The following PDSS2 variants were observed in gnomAD, a reference collection of about 807,000 sequenced individuals.
PDSS2 encodes decaprenyl diphosphate synthase subunit 2, also known as all trans-polyprenyl-diphosphate synthase PDSS2.
In PDSS2, 31 loss-of-function variants were observed where a neutral mutation model predicts 44.5. The observed-to-expected ratio is 0.70, with a 90% CI of 0.52 to 0.94. The LOEUF (loss-of-function observed/expected upper bound fraction) is 0.94. Among genes scored for constraint, PDSS2 ranks in the 40% least tolerant of loss-of-function variants. PDSS2 has a pLI of 0.00. For synonymous variants in PDSS2, 157 were observed against 180.3 expected (o/e 0.87, Z 1.03); for missense variants, 452 against 482.2 (o/e 0.94, Z 0.59).
chr6:107,246,552 G>T (rs954138765), intron 3 of PDSS2, among the ~76,000 whole-genome samples: 4 of 152,026 alleles, frequency 2.6e-5, no homozygotes, highest in African/African-American at 9.7e-5. Flanking sequence ...AAAGGATTTT[G>T]TTTCAGCTTT....
chr6:107,269,665 G>C (rs2114923312), intron 3 of PDSS2, among the ~76,000 whole-genome samples: 1 of 152,120 alleles, frequency 6.6e-6, no homozygotes, highest in Middle Eastern at 3.4e-3. Context: ...AGTAGTAGTA[G>C]TAGTAGTATT....
intron 6 of PDSS2, among the ~76,000 whole-genome samples, chr6:107,195,186 A>G (rs991652208): frequency 3.3e-5 from 5 of 152,012 alleles, no homozygotes; most frequent in Non-Finnish European, 7.4e-5. Flanking sequence ...AAAGTTTATA[A>G]TATTGGTCCT....
intron 6 of PDSS2, chr6:107,198,004 C>G: frequency 2.2e-6 from 1 of 456,624 alleles, no homozygotes; most frequent in Non-Finnish European, 4.5e-6. Context: ...AAAAATTCAA[C>G]AGGTAAGAAG....
intron 4 of PDSS2, among the ~76,000 whole-genome samples, chr6:107,225,289 C>T (rs1773783645): frequency 6.7e-6 from 1 of 148,902 alleles, no homozygotes; most frequent in Admixed American, 6.8e-5. Flanking sequence ...TCTCTTGCCT[C>T]AGCCTCCTGA....
intron 2 of PDSS2, among the ~76,000 whole-genome samples, chr6:107,328,369 T>G (rs111353740): frequency 1.4e-4 from 21 of 152,328 alleles, no homozygotes; most frequent in African/African-American, 5.1e-4. Context: ...ACTTGACTAC[T>G]TAATGTGGGA....
intron 7 of PDSS2, chr6:107,192,406 T>A: frequency 2.0e-6 from 1 of 501,788 alleles, no homozygotes; most frequent in Non-Finnish European, 4.0e-6. Context: ...AAGTCAAAAA[T>A]CAAAGAAGAG....
chr6:107,360,765 C>A (rs1778747771), intron 1 of PDSS2, among the ~76,000 whole-genome samples: 1 of 152,194 alleles, frequency 6.6e-6, no homozygotes, highest in Non-Finnish European at 1.5e-5. Context: ...GGGATGCCTA[C>A]AGGCTGAAAA....
At chr6:107,167,849 G>A (rs1771411536) in intron 7 of PDSS2, among the ~76,000 whole-genome samples, 1 of 152,146 alleles carries the variant, frequency 6.6e-6, no homozygotes, top group African/African-American at 2.4e-5. Context: ...GAGACAGTTT[G>A]TTATAATTTC....
chr6:107,303,956 C>T (rs1776777402), intron 2 of PDSS2, among the ~76,000 whole-genome samples: 1 of 152,156 alleles, frequency 6.6e-6, no homozygotes, highest in Admixed American at 6.6e-5. Context: ...TATAACTTCT[C>T]CATAAGTCTC....
chr6:107,176,869 C>T (rs1399067802), intron 7 of PDSS2, among the ~76,000 whole-genome samples: 2 of 151,822 alleles, frequency 1.3e-5, no homozygotes, highest in African/African-American at 2.4e-5. Context: ...TTTACTGGTA[C>T]ACTTAAAATT....
rs578051753 is a variant in PDSS2 at position 107,297,862 on chromosome 6, C to A, written c.432-23635G>T. On this transcript the variant is annotated intron_variant, in intron 2 of 7. Transcript: ENST00000369037. ...CCAGGTTCTAGCAACTCTTGTACCTCGGACACCCGAGTAGCTGGGATTATA... is the reference window on the plus strand; with the variant it reads ...CCAGGTTCTAGCAACTCTTGTACCTAGGACACCCGAGTAGCTGGGATTATA... Among the ~76,000 whole-genome samples the A allele has an allele frequency of 1.2e-3, 190 of 152,230 alleles. 2 individuals are homozygous for A. Among genetic ancestry groups the A allele is most frequent in the East Asian group, 0.01 (52 of 5,172 alleles).
chr6:107,360,454 G>A (rs1778734849), intron 1 of PDSS2, among the ~76,000 whole-genome samples: 3 of 152,230 alleles, frequency 2.0e-5, no homozygotes, highest in African/African-American at 7.2e-5. Context: ...GTGACCAAAT[G>A]TGAGTTGGCT....
At chr6:107,289,893 G>A (rs972250804) in intron 2 of PDSS2, among the ~76,000 whole-genome samples, 4 of 152,036 alleles carry the variant, frequency 2.6e-5, no homozygotes, top group Admixed American at 1.3e-4. Flanking sequence ...CAATCCTCCC[G>A]CCTCAGCCTC....
chr6:107,195,435 T>C (rs1483371718), intron 6 of PDSS2, among the ~76,000 whole-genome samples: 1 of 147,994 alleles, frequency 6.8e-6, no homozygotes, highest in African/African-American at 2.5e-5. Context: ...TGAGCCATAG[T>C]TGCACCACTA....
intron 4 of PDSS2, among the ~76,000 whole-genome samples, chr6:107,236,171 C>T (rs1480732780): frequency 6.6e-6 from 1 of 152,128 alleles, no homozygotes; most frequent in African/African-American, 2.4e-5. Context: ...ATAAAGATGG[C>T]AGTAGCTTTC....
chr6:107,364,501 A>G (rs1778899506), intron 1 of PDSS2, among the ~76,000 whole-genome samples: 1 of 152,216 alleles, frequency 6.6e-6, no homozygotes, highest in African/African-American at 2.4e-5. Flanking sequence ...TAAGTCCCCC[A>G]TTGCCCGGGG....
rs1004487628 is a variant in PDSS2, at chr6:107,425,238, G to A, written c.296+33752C>T. The stretch of plus-strand genomic sequence containing the variant: ...ACAGTAAATTGGTACCAGTAGAGTG[G>A]AGCATTGCTGAATGTATACCCAAAA... On this transcript the variant is annotated intron_variant, in intron 1 of 7. Transcript: ENST00000369037. Among the ~76,000 whole-genome samples the A allele has an allele frequency of 4.6e-5, 7 of 152,200 alleles. No individual in the cohort carries two copies. In the East Asian group the frequency reaches 5.8e-4, roughly 13 times the overall value.
intron 1 of PDSS2, among the ~76,000 whole-genome samples, chr6:107,358,672 T>C (rs1023392781): frequency 1.3e-5 from 2 of 152,162 alleles, no homozygotes; most frequent in Admixed American, 6.5e-5. Flanking sequence ...CTTAAAAATA[T>C]GGCAACATTT....
At chr6:107,382,045 T>C (rs1216563186) in intron 1 of PDSS2, among the ~76,000 whole-genome samples, 1 of 152,180 alleles carries the variant, frequency 6.6e-6, no homozygotes, top group Admixed American at 6.5e-5. Context: ...TTTCAATCAG[T>C]AAAACACCCA....
Sources: gnomAD v4.1 joint callset for allele counts (sites outside exome capture counted in the v4.1 genomes callset) on GRCh38, gnomAD v4.1.1 for gene constraint, MANE v1.5 for transcripts, NCBI Gene and HGNC (gene_info 2026-07-23, HGNC 2026-07-21) for gene names.